RASAL2: variants seen among roughly 807,000 people sequenced by gnomAD.
The protein encoded by RASAL2 is ras GTPase-activating protein nGAP.
RASAL2 carries 58 observed loss-of-function variants against 128.9 expected under a neutral mutation model. The observed-to-expected ratio is 0.45, with a 90% confidence interval of 0.36 to 0.56. RASAL2 has a LOEUF of 0.56. Ranked by LOEUF, RASAL2 falls within the 20% of genes least tolerant of loss-of-function variation. The pLI, the probability that RASAL2 is intolerant of heterozygous loss-of-function variation, is 0.00. For synonymous variants in RASAL2, 561 were observed against 580.8 expected, an observed-to-expected ratio of 0.97 and a Z score of 0.49; for missense variants, 1,360 against 1,601.6, an observed-to-expected ratio of 0.85 and a Z score of 2.57.
intron 1 of RASAL2, among the ~76,000 whole-genome samples, chr1:178,277,629 T>A (rs1666588132): frequency 6.6e-6 from 1 of 152,260 alleles, no homozygotes; most frequent in South Asian, 2.1e-4. Context: ...AATGAAAATG[T>A]ATGTATAGAT....
intron 1 of RASAL2, among the ~76,000 whole-genome samples, chr1:178,236,756 C>CTTTTTTT (rs549848632): frequency 8.4e-6 from 1 of 118,428 alleles, no homozygotes; most frequent in African/African-American, 3.3e-5. Flanking sequence ...TTGGACACTA[C>CTTTTTTT]TTTTTTTTTT....
In RASAL2 at chr1:178,475,118, T is replaced by A. The variant is rs1395384096; in HGVS notation, c.*1879T>A. The stretch of plus-strand genomic sequence containing the variant: ...GTGGATCTTTGTGTTGGACCTTACG[T>A]TTCAGCAACCTCACCATGGCCACAT... On this transcript the variant is annotated 3_prime_UTR_variant, in exon 18 of 18. Coordinates refer to ENST00000367649, the MANE Select transcript of RASAL2 (RefSeq NM_170692.4). 6.6e-6 allele frequency: 1 copy of A among 152,214 alleles called. No individual in the cohort carries two copies. The highest frequency in any genetic ancestry group is 1.5e-5 in the Non-Finnish European group (1 of 68,048). The allele number at this position is 152,214 out of a possible 1,614,324, so 9.4% of individuals were successfully genotyped here. A position where few individuals can be genotyped will look rare whatever the true frequency, so the allele number is the denominator to read the frequency against.
At chr1:178,279,112 A>T (rs934568917) in intron 1 of RASAL2, among the ~76,000 whole-genome samples, 1 of 152,250 alleles carries the variant, frequency 6.6e-6, no homozygotes, top group Non-Finnish European at 1.5e-5. Flanking sequence ...TTATTTGGAA[A>T]TAATAGATTG....
chr1:178,351,545 C>T (rs1336509130), intron 3 of RASAL2, among the ~76,000 whole-genome samples: 1 of 152,030 alleles, frequency 6.6e-6, no homozygotes, highest in East Asian at 1.9e-4. Context: ...TCCTGGCTAA[C>T]ACAGTGAAAC....
At chr1:178,214,167 G>C (rs1455161965) in intron 1 of RASAL2, among the ~76,000 whole-genome samples, 1 of 152,080 alleles carries the variant, frequency 6.6e-6, no homozygotes, top group Non-Finnish European at 1.5e-5. Context: ...CTACTTGGGA[G>C]GCTGAAGCAA....
chr1:178,477,005 A>G lies in RASAL2; in HGVS notation c.*3766A>G, dbSNP rs904683097. The G allele has an allele frequency of 6.6e-6, 1 of 152,534 alleles. No individual in the cohort carries two copies. Among genetic ancestry groups the G allele is most frequent in the Non-Finnish European group, 1.5e-5 (1 of 68,070 alleles). The allele number at this position is 152,534 out of a possible 1,614,324, so 9.4% of individuals were successfully genotyped here. A position where few individuals can be genotyped will look rare whatever the true frequency, so the allele number is the denominator to read the frequency against. On this transcript the variant is annotated 3_prime_UTR_variant, in exon 18 of 18. Coordinates refer to ENST00000367649, the MANE Select transcript of RASAL2 (RefSeq NM_170692.4). ...CCCTCTTCAGGATTACCTCAGTCCC[A>G]TCAGTCTACCCCATTGTGACATTGA...
chr1:178,095,940 T>C (rs1321210219), intron 1 of RASAL2, among the ~76,000 whole-genome samples: 1 of 152,202 alleles, frequency 6.6e-6, no homozygotes, highest in Non-Finnish European at 1.5e-5. Flanking sequence ...CCAGGAATTC[T>C]TCTTATAACC....
chr1:178,195,279 A>G (rs764562116), intron 1 of RASAL2, among the ~76,000 whole-genome samples: 5 of 152,232 alleles, frequency 3.3e-5, no homozygotes, highest in Non-Finnish European at 7.3e-5. Flanking sequence ...AGCAGTCAAT[A>G]TAGTATTTTT....
chr1:178,143,281 G>T (rs994533806), intron 1 of RASAL2, among the ~76,000 whole-genome samples: 2 of 151,206 alleles, frequency 1.3e-5, no homozygotes, highest in Non-Finnish European at 2.9e-5. Flanking sequence ...ATATTTATGG[G>T]CTTTGGAGGG....
intron 1 of RASAL2, among the ~76,000 whole-genome samples, chr1:178,175,442 G>GTGTGTGTC (rs1256673710): frequency 3.4e-5 from 5 of 148,826 alleles, no homozygotes; most frequent in Non-Finnish European, 7.4e-5. Context: ...GGTTACGTGT[G>GTGTGTGTC]TGTGTGTGTG....
At chr1:178,267,965 TTTAC>T (rs1346162060) in intron 1 of RASAL2, among the ~76,000 whole-genome samples, 1 of 151,860 alleles carries the variant, frequency 6.6e-6, no homozygotes, top group Non-Finnish European at 1.5e-5. Context: ...CCTCTCTTTT[TTTAC>T]TTACTTCCTT....
At chr1:178,137,870 AT>A (rs1660382410) in intron 1 of RASAL2, among the ~76,000 whole-genome samples, 3 of 152,324 alleles carry the variant, frequency 2.0e-5, no homozygotes, top group African/African-American at 7.2e-5. Context: ...CTGTGGAAGA[AT>A]ATATAAAGAA....
chr1:178,339,991 C>G (rs1448609185), intron 3 of RASAL2, among the ~76,000 whole-genome samples: 3 of 152,060 alleles, frequency 2.0e-5, no homozygotes, highest in Admixed American at 2.0e-4. Context: ...CAGTCAGTTT[C>G]AATACTTAGC....
intron 4 of RASAL2, chr1:178,411,938 G>A: frequency 1.6e-6 from 1 of 634,146 alleles, no homozygotes. Context: ...TGAAGATCAG[G>A]CAGATTGAGG....
chr1:178,365,352 C>T (rs1471267096), intron 3 of RASAL2, among the ~76,000 whole-genome samples: 1 of 152,020 alleles, frequency 6.6e-6, no homozygotes, highest in African/African-American at 2.4e-5. Flanking sequence ...CTTTAAGCTT[C>T]TTTGAGGAAA....
At chr1:178,429,907 T>C (rs1675771867) in intron 5 of RASAL2, among the ~76,000 whole-genome samples, 1 of 152,074 alleles carries the variant, frequency 6.6e-6, no homozygotes, top group Admixed American at 6.6e-5. Flanking sequence ...CCCTCCCTTC[T>C]TTTTGGTATT....
At chr1:178,463,481 T>C (rs1647324247) in intron 14 of RASAL2, among the ~76,000 whole-genome samples, 1 of 152,210 alleles carries the variant, frequency 6.6e-6, no homozygotes, top group Non-Finnish European at 1.5e-5. Flanking sequence ...CCCTATGAGA[T>C]GATCAAGATA....
At chr1:178,245,466 G>A (rs112223444) in intron 1 of RASAL2, among the ~76,000 whole-genome samples, 16,602 of 152,002 alleles carry the variant, frequency 0.11, 1,162 homozygotes, top group African/African-American at 0.19. Context: ...GTAGATTCTG[G>A]GTATCAGTTC....
At chr1:178,129,088 C>G (rs1362349958) in intron 1 of RASAL2, among the ~76,000 whole-genome samples, 1 of 152,014 alleles carries the variant, frequency 6.6e-6, no homozygotes, top group Admixed American at 6.6e-5. Context: ...TTTCAGTTCT[C>G]TTTGGCATAT....
Sources: gnomAD v4.1 joint callset for allele counts (sites outside exome capture counted in the v4.1 genomes callset) on GRCh38, gnomAD v4.1.1 for gene constraint, MANE v1.5 for transcripts, NCBI Gene and HGNC (gene_info 2026-07-23, HGNC 2026-07-21) for gene names.